TFB1M: variants seen among roughly 807,000 people sequenced by gnomAD.
TFB1M encodes the protein dimethyladenosine transferase 1, mitochondrial.
In TFB1M, 27 loss-of-function variants were observed where a neutral mutation model predicts 31.1. The ratio of observed to expected loss-of-function variants is 0.87; its 90% CI spans 0.64 to 1.20. TFB1M has a LOEUF of 1.20. TFB1M is among the 50% of genes most tolerant of loss of function. The pLI is 0.00. For missense variants in TFB1M, 394 were observed against 418.7 expected (o/e 0.94, Z 0.51); for synonymous variants, 166 against 151.8 (o/e 1.09, Z -0.69).
intron 5 of TFB1M, chr6:155,276,428 C>T: frequency 6.7e-7 from 1 of 1,488,992 alleles, no homozygotes; most frequent in Non-Finnish European, 9.1e-7. Flanking sequence ...CCAAATGGGA[C>T]TTTTAGATTA....
intron 5 of TFB1M, among the ~76,000 whole-genome samples, chr6:155,270,446 T>C (rs1784867638): frequency 6.6e-6 from 1 of 152,216 alleles, no homozygotes; most frequent in Non-Finnish European, 1.5e-5. Flanking sequence ...ACTTCTACTT[T>C]CCTAGCTCCT....
intron 4 of TFB1M, among the ~76,000 whole-genome samples, chr6:155,288,962 T>C (rs1464322394): frequency 6.6e-6 from 1 of 152,182 alleles, no homozygotes; most frequent in African/African-American, 2.4e-5. Flanking sequence ...ACCAAACTAG[T>C]TAATTTTTCT....
rs1778006520 is a variant in TFB1M at position 155,311,287 on chromosome 6, C to T, written c.186G>A (p.Val62=). 6.2e-7 allele frequency: 1 copy of T among 1,613,834 alleles called. No individual in the cohort carries two copies. The highest frequency in any genetic ancestry group is 8.5e-7 in the Non-Finnish European group (1 of 1,179,880). The change falls in exon 2 of 7, where the codon GTG becomes GTA. Residue 62 remains valine, a synonymous_variant. Coordinates refer to ENST00000367166, the MANE Select transcript of TFB1M (RefSeq NM_016020.4). ...GNLTNAYVYE[V]GPGPGGITRS... Reference sequence around the variant, plus strand: ...TTGTGATTCCCCCTGGCCCAGGGCCCACTTCGTAAACATAAGCATTTGTCA... The same window carrying T: ...TTGTGATTCCCCCTGGCCCAGGGCCTACTTCGTAAACATAAGCATTTGTCA...
At chr6:155,253,900 A>G (rs1173918950), downstream of TFB1M, 4 of 1,158,374 alleles carry the variant, frequency 3.5e-6, no homozygotes, top group African/African-American at 6.3e-5. Flanking sequence ...TGAGATTTCA[A>G]CTTTACAAGT....
At chr6:155,249,796 A>G in the TFB1M span, 1 of 1,454,248 alleles carries the variant, frequency 6.9e-7, no homozygotes, top group Non-Finnish European at 9.5e-7. Context: ...TTACTGTTGG[A>G]TAGAATCTAA....
intron 4 of TFB1M, among the ~76,000 whole-genome samples, chr6:155,291,842 G>C (rs1318471675): frequency 6.6e-6 from 1 of 152,190 alleles, no homozygotes; most frequent in Non-Finnish European, 1.5e-5. Flanking sequence ...GGTAAAAAGA[G>C]AGGGATAGAT....
At position 155,314,281 on chromosome 6, in the gene TFB1M, T is replaced by A; in HGVS notation, c.133+15A>T. 1 of 1,613,494 alleles carries A rather than the reference T, an allele frequency of 6.2e-7. No homozygotes were observed. Among genetic ancestry groups the A allele is most frequent in the East Asian group, 2.2e-5 (1 of 44,864 alleles). The stretch of plus-strand genomic sequence containing the variant: ...CACTGGGGAGACATCCGGGGAGCAC[T>A]GCTAAGCCATCCACCTGTCAGCCTC... On this transcript the variant is annotated intron_variant, in intron 1 of 6. Coordinates refer to ENST00000367166, the MANE Select transcript of TFB1M (RefSeq NM_016020.4).
At chr6:155,254,519 T>G, downstream of TFB1M, 1 of 1,614,172 alleles carries the variant, frequency 6.2e-7, no homozygotes, top group Non-Finnish European at 8.5e-7. Flanking sequence ...GGAGAAAACG[T>G]GTAAGGATCG....
In TFB1M at chr6:155,309,604, C is replaced by T. The variant is rs1031597462; in HGVS notation, c.285+1584G>A. Among the ~76,000 whole-genome samples the T allele has an allele frequency of 2.0e-5, 3 of 152,054 alleles. 1 individual carries two copies. Among genetic ancestry groups the T allele is most frequent in the Non-Finnish European group, 4.4e-5 (3 of 68,010 alleles). On this transcript the variant is annotated intron_variant, in intron 2 of 6. Transcript: ENST00000367166. ...GGAATGAATGGAAATCTGGTTCACC[C>T]CCTGGCCTAATAAGAAAGAATAAAC...
downstream of TFB1M, chr6:155,255,404 A>AT (rs1783937019): frequency 6.6e-6 from 1 of 152,256 alleles, no homozygotes; most frequent in South Asian, 2.1e-4. Flanking sequence ...TACATTAACT[A>AT]TTTTGTTATT....
intron 2 of TFB1M, among the ~76,000 whole-genome samples, chr6:155,305,186 AAT>A (rs1233391072): frequency 6.0e-5 from 5 of 83,950 alleles, no homozygotes; most frequent in Non-Finnish European, 6.0e-5. Flanking sequence ...ATATATATTA[AAT>A]TATATATTTA....
At chr6:155,250,014 G>T in the TFB1M span, 2 of 1,454,500 alleles carry the variant, frequency 1.4e-6, no homozygotes, top group South Asian at 1.2e-5. Context: ...CATGTGGTGT[G>T]GGGTCTGTAG....
downstream of TFB1M, chr6:155,254,650 T>C (rs553673872): frequency 3.3e-5 from 50 of 1,531,166 alleles, no homozygotes; most frequent in East Asian, 5.9e-4. Context: ...TCTTGTAACA[T>C]AGCTGTGACT....
At chr6:155,297,196 T>G (rs779706340) in intron 3 of TFB1M, 92 bp from the exon 4 acceptor site, 12 of 1,354,436 alleles carry the variant, frequency 8.9e-6, no homozygotes, top group Admixed American at 1.9e-5. Flanking sequence ...TGGATATTAA[T>G]AGCATCAAAG....
chr6:155,311,555 A>G (rs1778018296), intron 1 of TFB1M, among the ~76,000 whole-genome samples: 1 of 152,192 alleles, frequency 6.6e-6, no homozygotes, highest in East Asian at 1.9e-4. Context: ...CCAGTCCCTT[A>G]ACACACACAG....
chr6:155,253,990 A>T (rs115968828), downstream of TFB1M: 44 of 1,613,400 alleles, frequency 2.7e-5, no homozygotes, highest in Non-Finnish European at 3.7e-5. Context: ...AAATAATTCC[A>T]TATGGGAACT....
chr6:155,279,516 G>A (rs1302528879), intron 5 of TFB1M, among the ~76,000 whole-genome samples: 1 of 152,150 alleles, frequency 6.6e-6, no homozygotes, highest in Non-Finnish European at 1.5e-5. Context: ...TGCAGGGAGG[G>A]CAGGCCCACT....
chr6:155,294,790 G>C (rs1006826926), intron 4 of TFB1M, among the ~76,000 whole-genome samples: 1 of 152,130 alleles, frequency 6.6e-6, no homozygotes, highest in African/African-American at 2.4e-5. Context: ...TCCACTCCCA[G>C]GTAAATACCC....
chr6:155,311,044 T>G, intron 2 of TFB1M, 144 bp downstream of exon 2: 1 of 883,692 alleles, frequency 1.1e-6, no homozygotes, highest in Non-Finnish European at 1.8e-6. Context: ...GACTATGGAA[T>G]CAAAATCTCT....
Sources: allele counts gnomAD v4.1 joint callset (sites outside exome capture counted in the v4.1 genomes callset), GRCh38; gene constraint gnomAD v4.1.1; transcripts MANE v1.5; gene names NCBI Gene and HGNC (gene_info 2026-07-23, HGNC 2026-07-21).